The following GXYLT2 variants were observed in gnomAD, a reference collection of about 807,000 sequenced individuals.
GXYLT2 encodes the protein glycosyltransferase 8 domain containing 4.
A neutral mutation model predicts 45.8 loss-of-function variants in GXYLT2; 53 were observed. That is an observed-to-expected ratio of 1.16 (90% CI 0.93 to 1.46). The LOEUF is 1.46. Ranked by LOEUF, GXYLT2 falls within the 40% of genes most tolerant of loss-of-function variation. The probability of loss-of-function intolerance (pLI) is 0.00; values close to 1 mark genes in which losing one functional copy is unlikely to be tolerated. For missense variants in GXYLT2, 551 were observed against 544.4 expected (o/e 1.01, Z -0.12); for synonymous variants, 219 against 214.2 (o/e 1.02, Z -0.19).
chr3:72,929,077 C>A lies in GXYLT2; in HGVS notation c.600+6742C>A, dbSNP rs564346479. The A allele has an allele frequency of 1.0e-5, 16 of 1,588,620 alleles. No individual in the cohort carries two copies. The Admixed American group carries it at 2.3e-4, about 23-fold the overall frequency. On this transcript the variant is annotated intron_variant, in intron 3 of 6. Transcript: ENST00000389617. ...CGTCCACCTCGCAGGTGCGCCAGAG[C>A]TACCACCAGGACTCAGAGGCCGTCA...
At chr3:72,901,288 C>CA (rs35141445) in intron 1 of GXYLT2, among the ~76,000 whole-genome samples, 7,964 of 96,338 alleles carry the variant, frequency 0.083, 459 homozygotes, top group East Asian at 0.35. Flanking sequence ...GACTCTGTCT[C>CA]AAAAAAAAAA....
chr3:72,898,126 T>C (rs1415543156), intron 1 of GXYLT2, among the ~76,000 whole-genome samples: 1 of 152,222 alleles, frequency 6.6e-6, no homozygotes, highest in African/African-American at 2.4e-5. Flanking sequence ...TTTTCTATGA[T>C]ATATGCACTA....
intron 1 of GXYLT2, among the ~76,000 whole-genome samples, chr3:72,888,984 C>T (rs1709124215): frequency 6.6e-6 from 1 of 152,164 alleles, no homozygotes; most frequent in Non-Finnish European, 1.5e-5. Context: ...ACAGAAGGGA[C>T]ACTTGACCTA....
At chr3:72,970,453 G>T (rs1710966384) in intron 6 of GXYLT2, among the ~76,000 whole-genome samples, 1 of 151,964 alleles carries the variant, frequency 6.6e-6, no homozygotes, top group Admixed American at 6.6e-5. Flanking sequence ...AGACCAGCCT[G>T]GGCAACATAG....
intron 1 of GXYLT2, among the ~76,000 whole-genome samples, chr3:72,894,829 T>C (rs951913187): frequency 1.3e-5 from 2 of 152,248 alleles, no homozygotes; most frequent in Non-Finnish European, 2.9e-5. Flanking sequence ...ATTGTGGTTC[T>C]TCTGCCCAGC....
chr3:72,947,236 G>A (rs769525021), intron 3 of GXYLT2, among the ~76,000 whole-genome samples: 19 of 152,078 alleles, frequency 1.2e-4, no homozygotes, highest in Non-Finnish European at 2.6e-4. Context: ...ATATTTAAGC[G>A]CATCTCAGAT....
intron 2 of GXYLT2, among the ~76,000 whole-genome samples, chr3:72,913,587 C>T (rs1042056296): frequency 6.6e-5 from 10 of 151,892 alleles, no homozygotes; most frequent in East Asian, 2.0e-4. Flanking sequence ...CCCAGCTACT[C>T]GGGAGTCTGA....
At chr3:72,901,099 A>G (rs1709395403) in intron 1 of GXYLT2, among the ~76,000 whole-genome samples, 1 of 152,042 alleles carries the variant, frequency 6.6e-6, no homozygotes, top group Non-Finnish European at 1.5e-5. Context: ...GACCAGCCTG[A>G]TCAATATGAT....
At chr3:72,892,982 C>T (rs1709210518) in intron 1 of GXYLT2, among the ~76,000 whole-genome samples, 1 of 152,186 alleles carries the variant, frequency 6.6e-6, no homozygotes, top group African/African-American at 2.4e-5. Flanking sequence ...TTACTGAGCT[C>T]CTAACCACCA....
intron 3 of GXYLT2, among the ~76,000 whole-genome samples, chr3:72,953,448 C>T (rs961325986): frequency 1.3e-5 from 2 of 152,004 alleles, no homozygotes; most frequent in Non-Finnish European, 2.9e-5. Context: ...TGCCACCATG[C>T]CTGGCTAATT....
At position 72,888,322 on chromosome 3, in the gene GXYLT2, C is replaced by G; in HGVS notation, c.89C>G (p.Ala30Gly). The change falls in exon 1 of 7, where the codon GCT becomes GGT. Residue 30 changes from alanine (A) to glycine (G), a missense_variant. Transcript: ENST00000389617. ...LALLSLRAGRAEPPALPARPA... is the reference protein window; with the variant it reads ...LALLSLRAGRGEPPALPARPA... ...CTGCTGTCCCTGCGCGCTGGCCGCG[C>G]TGAGCCCCCAGCGCTGCCCGCGCGC... 1 of 987,204 alleles carries G rather than the reference C, an allele frequency of 1.0e-6. No individual in the cohort carries two copies. The highest frequency in any genetic ancestry group is 1.2e-6 in the Non-Finnish European group (1 of 833,276). The allele number at this position is 987,204 out of a possible 1,614,324, so 61.2% of individuals were successfully genotyped here.
intron 6 of GXYLT2, among the ~76,000 whole-genome samples, chr3:72,968,188 G>A (rs547875930): frequency 6.6e-6 from 1 of 152,144 alleles, no homozygotes; most frequent in East Asian, 1.9e-4. Context: ...TGGCCAGGCT[G>A]GTCTCGAACT....
chr3:72,959,106 CTTTTTTTTT>C (rs55680713), intron 5 of GXYLT2, among the ~76,000 whole-genome samples: 1 of 60,000 alleles, frequency 1.7e-5, no homozygotes, highest in East Asian at 7.6e-4. Context: ...CCACACCCAG[CTTTTTTTTT>C]TTTTTTTTTT....
intron 3 of GXYLT2, among the ~76,000 whole-genome samples, chr3:72,938,462 T>G (rs1000942247): frequency 2.0e-5 from 3 of 152,162 alleles, no homozygotes; most frequent in African/African-American, 7.2e-5. Flanking sequence ...CTAATTTGAG[T>G]AAAGAGCTAC....
intron 2 of GXYLT2, among the ~76,000 whole-genome samples, chr3:72,909,189 C>T (rs1341398979): frequency 6.6e-6 from 1 of 151,086 alleles, no homozygotes; most frequent in Non-Finnish European, 1.5e-5. Context: ...CTGCCTCAGC[C>T]TCCCGAGTAG....
chr3:72,922,414 T>C (rs758061991), intron 3 of GXYLT2, 79 bp downstream of exon 3: 17 of 1,422,120 alleles, frequency 1.2e-5, no homozygotes, highest in Non-Finnish European at 1.6e-5. Flanking sequence ...TGTAGAAACA[T>C]TTAACTTAAC....
intron 3 of GXYLT2, among the ~76,000 whole-genome samples, chr3:72,954,843 G>C (rs562014212): frequency 3.3e-5 from 5 of 151,934 alleles, no homozygotes; most frequent in African/African-American, 1.2e-4. Flanking sequence ...ATATAGTCCA[G>C]GGTCCCAGAA....
intron 2 of GXYLT2, among the ~76,000 whole-genome samples, chr3:72,914,115 A>AT (rs1229601428): frequency 1.3e-5 from 2 of 151,922 alleles, no homozygotes; most frequent in East Asian, 1.9e-4. Context: ...AGGGCCACAT[A>AT]TTTTTTACCT....
intron 3 of GXYLT2, among the ~76,000 whole-genome samples, chr3:72,935,773 T>G (rs1160065209): frequency 1.3e-5 from 2 of 152,196 alleles, no homozygotes; most frequent in Admixed American, 6.6e-5. Context: ...ACAAATTAAG[T>G]GTCTAGGTCG....
Sources: allele counts gnomAD v4.1 joint callset (sites outside exome capture counted in the v4.1 genomes callset), GRCh38; gene constraint gnomAD v4.1.1; transcripts MANE v1.5; gene names NCBI Gene and HGNC (gene_info 2026-07-23, HGNC 2026-07-21).